TBCK: variants seen among roughly 807,000 people sequenced by gnomAD.
TBCK encodes the protein TBC1 domain containing kinase, also known as TBC domain-containing protein kinase-like protein.
In TBCK, 99 loss-of-function variants were observed where a neutral mutation model predicts 113.4. The observed-to-expected ratio is 0.87, with a 90% CI of 0.74 to 1.03. The LOEUF (loss-of-function observed/expected upper bound fraction) is 1.03, where lower values mean the gene tolerates loss of function less well. Among genes scored for constraint, TBCK ranks in the 50% least tolerant of loss-of-function variants. The pLI, the probability that TBCK is intolerant of heterozygous loss-of-function variation, is 0.00. For synonymous variants in TBCK, 369 were observed against 370.8 expected (o/e 1.00, Z 0.05); for missense variants, 1,045 against 1,061.3 (o/e 0.98, Z 0.21).
At chr4:106,202,404 A>T (rs1398768230) in intron 20 of TBCK, among the ~76,000 whole-genome samples, 1 of 151,946 alleles carries the variant, frequency 6.6e-6, no homozygotes, top group Non-Finnish European at 1.5e-5. Context: ...GCCATCCTTC[A>T]TTTTTCTTTT....
At chr4:106,124,303 A>T (rs1744864717) in intron 23 of TBCK, among the ~76,000 whole-genome samples, 2 of 152,220 alleles carry the variant, frequency 1.3e-5, no homozygotes, top group African/African-American at 4.8e-5. Flanking sequence ...ACAATGAGAT[A>T]CCATCTCACA....
At chr4:106,241,133 CAT>C (rs1397185387) in intron 12 of TBCK, among the ~76,000 whole-genome samples, 7 of 151,650 alleles carry the variant, frequency 4.6e-5, no homozygotes, top group African/African-American at 1.7e-4. Context: ...TGGAAAAAAT[CAT>C]ACTCATACTT....
At chr4:106,307,102 C>T (rs971456808) in intron 2 of TBCK, among the ~76,000 whole-genome samples, 1 of 152,078 alleles carries the variant, frequency 6.6e-6, no homozygotes, top group African/African-American at 2.4e-5. Flanking sequence ...ATTTATGGTA[C>T]GGAATAGCTC....
chr4:106,178,239 C>T (rs573552260), intron 22 of TBCK, among the ~76,000 whole-genome samples: 1 of 151,994 alleles, frequency 6.6e-6, no homozygotes, highest in South Asian at 2.1e-4. Context: ...TGAGGGTTTT[C>T]CAAATATAAG....
intron 23 of TBCK, among the ~76,000 whole-genome samples, chr4:106,120,075 G>T (rs553786982): frequency 9.8e-5 from 15 of 152,290 alleles, no homozygotes; most frequent in African/African-American, 3.1e-4. Context: ...TCACTAGAGA[G>T]TGCCAGACAG....
chr4:106,299,428 A>T (rs966672609), intron 2 of TBCK, among the ~76,000 whole-genome samples: 5 of 152,344 alleles, frequency 3.3e-5, no homozygotes, highest in Non-Finnish European at 5.9e-5. Flanking sequence ...ATAATTCTTC[A>T]TATCTATAAG....
At position 106,294,249 on chromosome 4, in the gene TBCK, G is replaced by A. The variant is rs557557589; in HGVS notation, c.266+845C>T. On this transcript the variant is annotated intron_variant, in intron 3 of 25. Transcript: ENST00000394708. ...TCTTTTGCCCAGGCTGGAGTGCAGT[G>A]GCGCATCGCGGCTCACCACAACCTC... 6.3e-4 allele frequency among the ~76,000 whole-genome samples: 96 copies of A among 151,642 alleles called. 1 individual carries two copies. Among genetic ancestry groups the A allele is most frequent in the African/African-American group, 2.2e-3 (91 of 41,298 alleles).
chr4:106,145,187 G>A (rs1180323542), intron 23 of TBCK, among the ~76,000 whole-genome samples: 3 of 151,874 alleles, frequency 2.0e-5, no homozygotes, highest in Non-Finnish European at 2.9e-5. Context: ...GAGTGGTCGC[G>A]TGAGCCTGTA....
At position 106,236,415 on chromosome 4, in the gene TBCK, A is replaced by C; in HGVS notation, c.1325T>G (p.Ile442Ser). 3 of 1,543,378 alleles carry C rather than the reference A, an allele frequency of 1.9e-6. No homozygotes were observed. The highest frequency in any genetic ancestry group is 1.7e-6 in the Non-Finnish European group (2 of 1,144,490). The change falls in exon 14 of 26, where the codon ATT becomes AGT. Residue 442 changes from isoleucine to serine, a missense_variant. Coordinates refer to ENST00000394708, the MANE Select transcript of TBCK (RefSeq NM_001163435.3). ...EKDTEYQLNR[I>S]ILFDRLLKAY... Reference sequence around the variant, plus strand: ...CTTTAGCAGCCTGTCGAAGAGAATAATTCTATTTAGTTGGTACTCTGTATC... The same window carrying C: ...CTTTAGCAGCCTGTCGAAGAGAATACTTCTATTTAGTTGGTACTCTGTATC...
chr4:106,125,444 C>T (rs1399337285), intron 23 of TBCK, among the ~76,000 whole-genome samples: 1 of 151,998 alleles, frequency 6.6e-6, no homozygotes, highest in Non-Finnish European at 1.5e-5. Flanking sequence ...CTTGTAATCC[C>T]ATTATTTTAT....
chr4:106,237,597 G>A (rs1359964025), intron 12 of TBCK: 1 of 451,584 alleles, frequency 2.2e-6, no homozygotes, highest in Non-Finnish European at 4.5e-6. Flanking sequence ...ATCTTCTGCT[G>A]ATTAGAGTCT....
At chr4:106,171,471 G>A (rs1751004869) in intron 22 of TBCK, among the ~76,000 whole-genome samples, 1 of 151,858 alleles carries the variant, frequency 6.6e-6, no homozygotes, top group East Asian at 1.9e-4. Context: ...GGTATAATTT[G>A]CTTATATATA....
At position 106,116,098 on chromosome 4, in the gene TBCK, A is replaced by G. The variant is rs1743453953; in HGVS notation, c.2411+105T>C. 7 of 1,106,604 alleles carry G rather than the reference A, an allele frequency of 6.3e-6. No individual in the cohort carries two copies. The Admixed American group carries it at 1.7e-4, about 27-fold the overall frequency. The allele number at this position is 1,106,604 out of a possible 1,614,324, so 68.5% of individuals were successfully genotyped here. The stretch of plus-strand genomic sequence containing the variant: ...GAGAGTAATTTAACTACTTGAATTC[A>G]GAAGAATCCCAGAATTTTTTTTTTT... On this transcript the variant is annotated intron_variant, in intron 24 of 25. Coordinates refer to ENST00000394708, the MANE Select transcript of TBCK (RefSeq NM_001163435.3).
chr4:106,233,673 T>C (rs1208076864), intron 15 of TBCK, 23 bp from the exon 16 acceptor site: 5 of 1,555,948 alleles, frequency 3.2e-6, no homozygotes, highest in South Asian at 2.3e-5. Flanking sequence ...AAAGAAGATA[T>C]ATTAATTTAT....
intron 23 of TBCK, among the ~76,000 whole-genome samples, chr4:106,132,154 C>T (rs1307712635): frequency 6.6e-6 from 1 of 152,230 alleles, no homozygotes; most frequent in Non-Finnish European, 1.5e-5. Flanking sequence ...ATGTTAATCA[C>T]CAAGACAATG....
At chr4:106,296,255 G>A (rs1216110391) in intron 2 of TBCK, among the ~76,000 whole-genome samples, 1 of 152,148 alleles carries the variant, frequency 6.6e-6, no homozygotes, top group Non-Finnish European at 1.5e-5. Flanking sequence ...GGTTATTTGA[G>A]GAGTTTGGTT....
At chr4:106,080,839 C>A (rs191348711) in intron 25 of TBCK, among the ~76,000 whole-genome samples, 8 of 151,836 alleles carry the variant, frequency 5.3e-5, no homozygotes, top group South Asian at 2.1e-4. Flanking sequence ...TAAAAAAAAA[C>A]CCATTAGAAA....
chr4:106,288,478 G>A (rs1765347488), intron 3 of TBCK, among the ~76,000 whole-genome samples: 2 of 152,102 alleles, frequency 1.3e-5, no homozygotes, highest in African/African-American at 4.8e-5. Flanking sequence ...ATTTAGTTAT[G>A]ACACACATAC....
At chr4:106,175,961 C>A (rs1383325223) in intron 22 of TBCK, among the ~76,000 whole-genome samples, 1 of 152,068 alleles carries the variant, frequency 6.6e-6, no homozygotes, top group Non-Finnish European at 1.5e-5. Context: ...GACTAGGGTC[C>A]AAACTTTGCC....
Sources: allele counts gnomAD v4.1 joint callset (sites outside exome capture counted in the v4.1 genomes callset), GRCh38; gene constraint gnomAD v4.1.1; transcripts MANE v1.5; gene names NCBI Gene and HGNC (gene_info 2026-07-23, HGNC 2026-07-21).